Variants in GLMN observed in about 807,000 individuals in gnomAD.
GLMN encodes glomulin.
A neutral mutation model predicts 87.8 loss-of-function variants in GLMN; 75 were observed. That is an observed-to-expected ratio of 0.85 (90% CI 0.71 to 1.04). The LOEUF (loss-of-function observed/expected upper bound fraction) is 1.04, where lower values mean the gene tolerates loss of function less well. Among genes scored for constraint, GLMN ranks in the 50% least tolerant of loss-of-function variants. GLMN has a pLI of 0.00. For synonymous variants in GLMN, 206 were observed against 221.6 expected (o/e 0.93, Z 0.63); for missense variants, 588 against 658.8 (o/e 0.89, Z 1.18).
the GLMN span, among the ~76,000 whole-genome samples, chr1:92,326,691 T>A: frequency 6.6e-6 from 1 of 152,144 alleles, no homozygotes; most frequent in Admixed American, 6.5e-5. Context: ...TCCAGGAAGA[T>A]TATGGCTGCC....
the GLMN span, among the ~76,000 whole-genome samples, chr1:92,308,350 G>A: frequency 1.3e-5 from 2 of 152,172 alleles, no homozygotes. Flanking sequence ...CTCTGGCATT[G>A]TTCGACATGA....
At chr1:92,265,323 CAAA>C (rs67154270) in intron 13 of GLMN, among the ~76,000 whole-genome samples, 1 of 87,484 alleles carries the variant, frequency 1.1e-5, no homozygotes, top group African/African-American at 4.4e-5. Flanking sequence ...AGCTTAATTG[CAAA>C]AAAAAAAAAA....
At chr1:92,325,091 T>G in the GLMN span, among the ~76,000 whole-genome samples, 3 of 152,172 alleles carry the variant, frequency 2.0e-5, no homozygotes, top group African/African-American at 7.2e-5. Context: ...AGTACCCATA[T>G]GTAGAGATTG....
At chr1:92,286,177 G>A (rs1165476060) in intron 7 of GLMN, among the ~76,000 whole-genome samples, 1 of 150,538 alleles carries the variant, frequency 6.6e-6, no homozygotes, top group Non-Finnish European at 1.5e-5. Context: ...TTAAGCCAAT[G>A]GAAAAATATT....
At chr1:92,269,447 C>A (rs1656003201) in intron 9 of GLMN, among the ~76,000 whole-genome samples, 1 of 152,082 alleles carries the variant, frequency 6.6e-6, no homozygotes. Flanking sequence ...AATTTACCAA[C>A]TTTTGGAGTA....
chr1:92,347,074 G>A, the GLMN span, among the ~76,000 whole-genome samples: 1 of 152,092 alleles, frequency 6.6e-6, no homozygotes, highest in Non-Finnish European at 1.5e-5. Flanking sequence ...CATTAGAGTA[G>A]GCTTCAGTGA....
At chr1:92,336,363 G>A in the GLMN span, 1 of 1,608,240 alleles carries the variant, frequency 6.2e-7, no homozygotes, top group African/African-American at 1.3e-5. Context: ...TGGGCTTCTG[G>A]TTCCTCTTCA....
At chr1:92,367,674 A>G in the GLMN span, among the ~76,000 whole-genome samples, 1 of 152,220 alleles carries the variant, frequency 6.6e-6, no homozygotes, top group Non-Finnish European at 1.5e-5. Context: ...CAAATCTGAT[A>G]GGTACAGAAA....
chr1:92,311,776 GT>G, the GLMN span, among the ~76,000 whole-genome samples: 1 of 152,276 alleles, frequency 6.6e-6, no homozygotes, highest in East Asian at 1.9e-4. Flanking sequence ...CAAAAGTTAT[GT>G]TTCCACTATA....
the GLMN span, among the ~76,000 whole-genome samples, chr1:92,309,127 A>G: frequency 6.6e-6 from 1 of 151,786 alleles, no homozygotes; most frequent in Non-Finnish European, 1.5e-5. Context: ...ACCCTTCACT[A>G]CCTCACTAAA....
intron 15 of GLMN, 112 bp downstream of exon 15, chr1:92,263,511 C>T (rs1264812085): frequency 7.9e-6 from 6 of 757,530 alleles, no homozygotes; most frequent in African/African-American, 6.8e-5. Flanking sequence ...ATGAATTAGC[C>T]ATAGATCATA....
the GLMN span, chr1:92,307,277 G>A: frequency 6.3e-7 from 1 of 1,591,220 alleles, no homozygotes; most frequent in Non-Finnish European, 8.6e-7. Context: ...AAGAAGAGAG[G>A]TAATTTAAGT....
At chr1:92,287,487 C>T (rs1430039472) in intron 6 of GLMN, among the ~76,000 whole-genome samples, 1 of 151,014 alleles carries the variant, frequency 6.6e-6, no homozygotes, top group South Asian at 2.1e-4. Flanking sequence ...ACTACAGGCA[C>T]ACACCACTGT....
intron 16 of GLMN, among the ~76,000 whole-genome samples, chr1:92,252,477 T>C (rs1653647509): frequency 6.6e-6 from 1 of 152,212 alleles, no homozygotes; most frequent in African/African-American, 2.4e-5. Context: ...TCTAGATCTT[T>C]GAATGTTAAA....
the GLMN span, among the ~76,000 whole-genome samples, chr1:92,335,263 A>T: frequency 6.6e-6 from 1 of 152,202 alleles, no homozygotes; most frequent in African/African-American, 2.4e-5. Context: ...GGGAATGAAA[A>T]ATGAAGCAAA....
chr1:92,337,323 C>T, the GLMN span, among the ~76,000 whole-genome samples: 1 of 152,124 alleles, frequency 6.6e-6, no homozygotes, highest in African/African-American at 2.4e-5. Context: ...CAGTCACATA[C>T]TGTACATTAG....
intron 16 of GLMN, among the ~76,000 whole-genome samples, chr1:92,252,420 TTAAA>T (rs1653637715): frequency 6.6e-6 from 1 of 152,074 alleles, no homozygotes; most frequent in South Asian, 2.1e-4. Context: ...TAATATAAAT[TTAAA>T]TAGTCACATG....
At chr1:92,361,790 G>GTTTC in the GLMN span, among the ~76,000 whole-genome samples, 4 of 152,194 alleles carry the variant, frequency 2.6e-5, no homozygotes, top group African/African-American at 9.6e-5. Flanking sequence ...TTTTTAAAAT[G>GTTTC]TTTCTTTGAT....
intron 7 of GLMN, among the ~76,000 whole-genome samples, chr1:92,279,456 CA>C (rs35221344): frequency 9.3e-4 from 66 of 70,862 alleles, no homozygotes; most frequent in African/African-American, 1.9e-3. Flanking sequence ...GACTCTGTCA[CA>C]AAAAAAAAAA....
Sources: allele counts gnomAD v4.1 joint callset (sites outside exome capture counted in the v4.1 genomes callset), GRCh38; gene constraint gnomAD v4.1.1; transcripts MANE v1.5; gene names NCBI Gene and HGNC (gene_info 2026-07-23, HGNC 2026-07-21).